Variants in CTNND2 observed in about 807,000 individuals in gnomAD.
The protein encoded by CTNND2 is catenin delta-2.
Under a neutral mutation model 144.4 loss-of-function variants are expected in CTNND2, and 22 were observed. The observed-to-expected ratio is 0.15, with a 90% CI of 0.11 to 0.22. The LOEUF is 0.22. Ranked by LOEUF, CTNND2 falls within the 10% of genes least tolerant of loss-of-function variation. The pLI is 1.00. For synonymous variants in CTNND2, 751 were observed against 695.6 expected (o/e 1.08, Z -1.25); for missense variants, 1,353 against 1,618.8 (o/e 0.84, Z 2.82).
At chr5:11,042,075 C>T (rs1186245481) in intron 16 of CTNND2, among the ~76,000 whole-genome samples, 1 of 152,136 alleles carries the variant, frequency 6.6e-6, no homozygotes, top group East Asian at 1.9e-4. Context: ...AGAAAGCAGT[C>T]TTGGGCATGG....
intron 16 of CTNND2, among the ~76,000 whole-genome samples, chr5:11,045,542 A>AT (rs1341720327): frequency 6.6e-6 from 1 of 152,116 alleles, no homozygotes; most frequent in East Asian, 1.9e-4. Flanking sequence ...CTAGCATGAG[A>AT]TTTTGAGGGG....
rs56310600 is a variant in CTNND2, at chr5:11,865,902, C to CAAAA, written c.37+37911_37+37914dup. On this transcript the variant is annotated intron_variant, in intron 1 of 21. Transcript: ENST00000304623. ...GGCAACCTTTAGAAGCTGGAAGAGACAAAAAAAAAAAAACGAGTTCTCCTC... is the reference window on the plus strand; with the variant it reads ...GGCAACCTTTAGAAGCTGGAAGAGACAAAAAAAAAAAAAAAAACGAGTTCTCCTC... Among the ~76,000 whole-genome samples the CAAAA allele has an allele frequency of 3.8e-4, 33 of 87,446 alleles. 5 individuals carry two copies. Among genetic ancestry groups the CAAAA allele is most frequent in the African/African-American group, 8.4e-4 (21 of 25,072 alleles). 57.4% of individuals were successfully genotyped at this position (87,446 alleles called of 152,430 possible). A position where few individuals can be genotyped will look rare whatever the true frequency, so the allele number is the denominator to read the frequency against.
intron 5 of CTNND2, among the ~76,000 whole-genome samples, chr5:11,402,225 T>C (rs1561340339): frequency 6.6e-6 from 1 of 152,190 alleles, no homozygotes; most frequent in Non-Finnish European, 1.5e-5. Context: ...CCTGAAATTC[T>C]TTTTTCCATC....
intron 16 of CTNND2, among the ~76,000 whole-genome samples, chr5:11,068,064 AT>A (rs1304431311): frequency 6.6e-6 from 1 of 152,208 alleles, no homozygotes; most frequent in Admixed American, 6.5e-5. Flanking sequence ...TCTGGAACAA[AT>A]TTTTTTGTCT....
At chr5:11,150,915 C>T (rs1050227003) in intron 12 of CTNND2, among the ~76,000 whole-genome samples, 8 of 152,058 alleles carry the variant, frequency 5.3e-5, no homozygotes, top group African/African-American at 1.9e-4. Flanking sequence ...CGTGAGCCAC[C>T]GCGTCCAGCC....
At chr5:10,995,432 GAGGA>G (rs1408286674) in intron 18 of CTNND2, among the ~76,000 whole-genome samples, 4 of 152,210 alleles carry the variant, frequency 2.6e-5, no homozygotes, top group African/African-American at 7.2e-5. Flanking sequence ...GGTGGTCTGG[GAGGA>G]AGGAAGTCCT....
intron 16 of CTNND2, among the ~76,000 whole-genome samples, chr5:11,071,745 G>A (rs1334350842): frequency 1.3e-5 from 2 of 152,076 alleles, no homozygotes; most frequent in Non-Finnish European, 2.9e-5. Flanking sequence ...CAGAGTGCGC[G>A]TGTGTCCTGG....
chr5:11,774,412 A>T (rs1402440335), intron 1 of CTNND2, among the ~76,000 whole-genome samples: 1 of 51,630 alleles, frequency 1.9e-5, no homozygotes, highest in Non-Finnish European at 3.4e-5. Flanking sequence ...GGGTGGGGGG[A>T]GGGGGGAGGG....
rs548424019 is a variant in CTNND2 at position 11,445,073 on chromosome 5, C to T, written c.288-33004G>A. On this transcript the variant is annotated intron_variant, in intron 3 of 21. Transcript: ENST00000304623. ...CATAACAGCAGAAATATAATGTTCT[C>T]GGCATTCTGGAGGCTTGAAGTCTGA... 3.9e-5 allele frequency among the ~76,000 whole-genome samples: 6 copies of T among 152,240 alleles called. No homozygotes were observed. The South Asian group carries it at 6.2e-4, about 16-fold the overall frequency.
At chr5:11,588,724 T>C (rs1779031487) in intron 2 of CTNND2, 1 of 982,710 alleles carries the variant, frequency 1.0e-6, no homozygotes, top group African/African-American at 1.7e-5. Flanking sequence ...TTTTCACTTT[T>C]TGTCTTTTAC....
intron 1 of CTNND2, among the ~76,000 whole-genome samples, chr5:11,899,103 T>C (rs1004725698): frequency 6.6e-6 from 1 of 152,222 alleles, no homozygotes; most frequent in Non-Finnish European, 1.5e-5. Flanking sequence ...TTTAGTTCTC[T>C]TCAAGGACTT....
chr5:11,683,859 A>G (rs1784527805), intron 2 of CTNND2, among the ~76,000 whole-genome samples: 1 of 152,204 alleles, frequency 6.6e-6, no homozygotes, highest in East Asian at 1.9e-4. Context: ...CAGAGCCCTG[A>G]GTCCTGGAGC....
chr5:11,048,160 TG>T (rs1745472992), intron 16 of CTNND2, among the ~76,000 whole-genome samples: 1 of 152,296 alleles, frequency 6.6e-6, no homozygotes, highest in East Asian at 1.9e-4. Context: ...GGAACTGGCC[TG>T]GATCAAGGTC....
chr5:11,036,759 G>A (rs1001203013), intron 16 of CTNND2, among the ~76,000 whole-genome samples: 5 of 152,122 alleles, frequency 3.3e-5, no homozygotes, highest in East Asian at 3.8e-4. Context: ...GAAAACTTCC[G>A]GTGACACTAA....
At chr5:11,413,604 T>C (rs559500464) in intron 3 of CTNND2, among the ~76,000 whole-genome samples, 47 of 152,342 alleles carry the variant, frequency 3.1e-4, no homozygotes, top group African/African-American at 1.1e-3. Flanking sequence ...TAGCATTTCT[T>C]AAGTATATGT....
chr5:11,420,610 T>C (rs1219939284), intron 3 of CTNND2, among the ~76,000 whole-genome samples: 6 of 152,144 alleles, frequency 3.9e-5, no homozygotes, highest in Admixed American at 2.6e-4. Context: ...ATTAGCGCAT[T>C]ATGTCCAGAA....
At chr5:11,131,002 G>A (rs6865035) in intron 12 of CTNND2, among the ~76,000 whole-genome samples, 27,348 of 152,104 alleles carry the variant, frequency 0.18, 5,220 homozygotes, top group African/African-American at 0.47. Flanking sequence ...TACCATGCTT[G>A]CTAAATGATT....
At chr5:11,634,340 T>A (rs961396255) in intron 2 of CTNND2, among the ~76,000 whole-genome samples, 1 of 152,136 alleles carries the variant, frequency 6.6e-6, no homozygotes, top group African/African-American at 2.4e-5. Flanking sequence ...ATTTCAGAAC[T>A]GATTCTCTTG....
rs1412609958 is a variant in CTNND2, at chr5:11,236,687, T to A, written c.1761+4A>T. On this transcript the variant is annotated splice_donor_region_variant and intron_variant, in intron 10 of 21. Transcript: ENST00000304623. ...AATCATTTCAGAATCCAAGGAGCAC[T>A]GACCTCGGCTTTAATTTTGTTGTCT... 5.0e-6 allele frequency: 8 copies of A among 1,614,040 alleles called. No homozygotes were observed. The highest frequency in any genetic ancestry group is 6.8e-6 in the Non-Finnish European group (8 of 1,179,992).
Sources: gnomAD v4.1 joint callset for allele counts (sites outside exome capture counted in the v4.1 genomes callset) on GRCh38, gnomAD v4.1.1 for gene constraint, MANE v1.5 for transcripts, NCBI Gene and HGNC (gene_info 2026-07-23, HGNC 2026-07-21) for gene names.